The following ADGRG4 variants were observed in gnomAD, a reference collection of about 807,000 sequenced individuals.
ADGRG4 encodes G protein-coupled receptor 112.
In ADGRG4, 122 loss-of-function variants were observed where a neutral mutation model predicts 126.2. The observed-to-expected ratio is 0.97, with a 90% CI of 0.83 to 1.12. The LOEUF (loss-of-function observed/expected upper bound fraction) is 1.12. Among genes scored for constraint, ADGRG4 ranks in the 50% most tolerant of loss-of-function variants. The pLI, the probability that ADGRG4 is intolerant of heterozygous loss-of-function variation, is 0.00. For synonymous variants in ADGRG4, 943 were observed against 838.7 expected, an observed-to-expected ratio of 1.12 and a Z score of -2.15; for missense variants, 2,481 against 2,251.8, an observed-to-expected ratio of 1.10 and a Z score of -2.06.
intron 23 of ADGRG4, among the ~76,000 whole-genome samples, chrX:136,408,102 C>T (rs1165325084): frequency 8.9e-6 from 1 of 111,925 alleles, no homozygotes; most frequent in Non-Finnish European, 1.9e-5. Flanking sequence ...TAGGCAATTT[C>T]GAGCTTATAA....
Position 136,345,312 on chromosome X carries a change from T to C in ADGRG4, c.1606T>C (p.Ser536Pro), listed in dbSNP as rs1294975499. The change falls in exon 6 of 26, where the codon TCT (serine) becomes CCT (proline). Residue 536 changes from serine (S) to proline (P), a missense_variant. By Grantham distance (74) the Ser-to-Pro change is moderately conservative (BLOSUM62 -1). Coordinates refer to ENST00000394143, the MANE Select transcript of ADGRG4 (RefSeq NM_153834.4). ...ELTSTNFQDVSLPRVEDAMST... is the reference protein window; with the variant it reads ...ELTSTNFQDVPLPRVEDAMST... Reference sequence around the variant, plus strand: ...GACATCTACAAATTTTCAGGATGTCTCTTTACCCAGAGTGGAAGATGCCAT... The same window carrying C: ...GACATCTACAAATTTTCAGGATGTCCCTTTACCCAGAGTGGAAGATGCCAT... 2.5e-6 allele frequency: 3 copies of C among 1,208,754 alleles called. No individual in the cohort carries two copies. The highest frequency in any genetic ancestry group is 3.4e-6 in the Non-Finnish European group (3 of 894,152).
chrX:136,325,548 C>A (rs541277003), intron 5 of ADGRG4, among the ~76,000 whole-genome samples: 1 of 111,232 alleles, frequency 9.0e-6, no homozygotes, highest in East Asian at 2.8e-4. Flanking sequence ...TCTAAGGAAC[C>A]GGAAGTATGG....
At chrX:136,377,759 T>C (rs1320423844) in intron 15 of ADGRG4, among the ~76,000 whole-genome samples, 1 of 111,464 alleles carries the variant, frequency 9.0e-6, no homozygotes, top group Non-Finnish European at 1.9e-5. Flanking sequence ...AGACTTTTCC[T>C]TCCCCATTGG....
At chrX:136,406,044 A>G in intron 23 of ADGRG4, 72 bp downstream of exon 23, 2 of 987,870 alleles carry the variant, frequency 2.0e-6, no homozygotes, top group Non-Finnish European at 2.7e-6. Context: ...TTTGGAAAAT[A>G]ATCACCTGTT....
chrX:136,341,779 A>G (rs2074980588), intron 5 of ADGRG4, among the ~76,000 whole-genome samples: 1 of 111,853 alleles, frequency 8.9e-6, no homozygotes, highest in African/African-American at 3.2e-5. Context: ...CTACTTGCTA[A>G]TGACCACAAA....
At chrX:136,407,129 T>C (rs1263272972) in intron 23 of ADGRG4, among the ~76,000 whole-genome samples, 2 of 111,181 alleles carry the variant, frequency 1.8e-5, no homozygotes, top group African/African-American at 3.3e-5. Flanking sequence ...TGGCATTTCA[T>C]TGAGTTAGAG....
Position 136,395,431 on chromosome X carries a change from G to A in ADGRG4, c.8122G>A (p.Glu2708Lys), listed in dbSNP as rs768262013. 2.5e-5 allele frequency: 30 copies of A among 1,203,167 alleles called. No individual in the cohort carries two copies. Among genetic ancestry groups the A allele is most frequent in the Non-Finnish European group, 3.1e-5 (28 of 889,553 alleles). The change falls in exon 19 of 26, where the codon GAA becomes AAA. Residue 2708 changes from glutamate to lysine, a missense_variant. Glu to Lys is a moderately conservative substitution (Grantham distance 56). Transcript: ENST00000394143. ...GWNSSGCKVK[E>K]TNVNYTICQC... Reference sequence around the variant, plus strand: ...GAATTCGTCAGGCTGTAAAGTAAAGGAAACAAATGTAAATTACACAATCTG... The same window carrying A: ...GAATTCGTCAGGCTGTAAAGTAAAGAAAACAAATGTAAATTACACAATCTG...
chrX:136,326,373 T>C (rs959751700), intron 5 of ADGRG4, among the ~76,000 whole-genome samples: 1 of 112,238 alleles, frequency 8.9e-6, no homozygotes, highest in Non-Finnish European at 1.9e-5. Context: ...CCAGGCATTT[T>C]ATACAAAAGG....
In ADGRG4 at chrX:136,356,144, G is replaced by C. The variant is rs1372425598; in HGVS notation, c.6906G>C (p.Glu2302Asp). The C allele has an allele frequency of 8.4e-7, 1 of 1,184,230 alleles. No homozygotes were observed. Among genetic ancestry groups the C allele is most frequent in the Admixed American group, 2.2e-5 (1 of 45,669 alleles). ...GATACAGGGACATTTCAGAGGAAGA[G>C]ATGGTCATGGATCGAGCTATTGTAA... ...QIKSRDISEE[E>D]MVMDRAILEQ... Residue 2302 changes from glutamate (E) to aspartate (D), a missense_variant, in exon 9 of 26, where the codon GAG becomes GAC. By Grantham distance (45) the Glu-to-Asp change is conservative. Coordinates refer to ENST00000394143, the MANE Select transcript of ADGRG4 (RefSeq NM_153834.4).
chrX:136,385,429 A>G (rs1483177149), intron 15 of ADGRG4, among the ~76,000 whole-genome samples: 1 of 111,904 alleles, frequency 8.9e-6, no homozygotes, highest in Non-Finnish European at 1.9e-5. Flanking sequence ...TAAAAATTCC[A>G]ATTATACTCA....
At chrX:136,302,484 C>T (rs749059517) in intron 1 of ADGRG4, among the ~76,000 whole-genome samples, 4 of 111,958 alleles carry the variant, frequency 3.6e-5, no homozygotes, top group Non-Finnish European at 7.5e-5. Context: ...AAACAGAGAG[C>T]CAAATCATAA....
chrX:136,400,467 C>G (rs2075373845), intron 21 of ADGRG4, among the ~76,000 whole-genome samples: 1 of 112,138 alleles, frequency 8.9e-6, no homozygotes. Context: ...AGATGCTATT[C>G]TAAGTGCTTT....
At chrX:136,367,949 T>A (rs930688906) in intron 13 of ADGRG4, among the ~76,000 whole-genome samples, 3 of 112,226 alleles carry the variant, frequency 2.7e-5, no homozygotes, top group Non-Finnish European at 3.8e-5. Context: ...ATATTAAAGA[T>A]GCATCAGGCT....
intron 4 of ADGRG4, among the ~76,000 whole-genome samples, chrX:136,309,302 C>T (rs938807298): frequency 8.9e-6 from 1 of 112,109 alleles, no homozygotes; most frequent in Non-Finnish European, 1.9e-5. Flanking sequence ...CAGCTGGTAA[C>T]AGATTCATAA....
At chrX:136,382,642 G>A (rs185751993) in intron 15 of ADGRG4, among the ~76,000 whole-genome samples, 22 of 111,343 alleles carry the variant, frequency 2.0e-4, no homozygotes, top group Middle Eastern at 4.6e-3. Flanking sequence ...TTAATCACAG[G>A]GCATGGTAAT....
intron 5 of ADGRG4, among the ~76,000 whole-genome samples, chrX:136,326,010 C>A (rs747749811): frequency 1.8e-5 from 2 of 112,478 alleles, no homozygotes; most frequent in Non-Finnish European, 3.8e-5. Flanking sequence ...TGCACCCGGC[C>A]TCTTTCATAC....
chrX:136,319,819 T>C (rs929447579), intron 4 of ADGRG4, among the ~76,000 whole-genome samples: 1 of 110,974 alleles, frequency 9.0e-6, no homozygotes, highest in Non-Finnish European at 1.9e-5. Flanking sequence ...CATCCATTCA[T>C]CTATCTATCC....
chrX:136,382,319 G>A (rs1193676372), intron 15 of ADGRG4, among the ~76,000 whole-genome samples: 1 of 110,842 alleles, frequency 9.0e-6, no homozygotes, highest in Non-Finnish European at 1.9e-5. Context: ...TATGTCACAC[G>A]ATAAAAGAAA....
rs775726955 is a variant in ADGRG4 at position 136,371,429 on chromosome X, A to G, written c.7498A>G (p.Ile2500Val). ...TKIIVSKISD[I>V]SQCDEISMNL... ...GATTATTGTTTCTAAAATATCAGAT[A>G]TTTCACAATGTGATGAGATAAGTAT... The change falls in exon 14 of 26, where the codon ATT (isoleucine) becomes GTT (valine). Residue 2500 changes from isoleucine to valine, a missense_variant. Ile to Val is a conservative substitution (Grantham distance 29, BLOSUM62 3). Coordinates refer to ENST00000394143, the MANE Select transcript of ADGRG4 (RefSeq NM_153834.4). 8.4e-7 allele frequency: 1 copy of G among 1,187,376 alleles called. No individual in the cohort carries two copies. The highest frequency in any genetic ancestry group is 1.8e-5 in the South Asian group (1 of 55,312).
Sources: gnomAD v4.1 joint callset for allele counts (sites outside exome capture counted in the v4.1 genomes callset) on GRCh38, gnomAD v4.1.1 for gene constraint, MANE v1.5 for transcripts, NCBI Gene and HGNC (gene_info 2026-07-23, HGNC 2026-07-21) for gene names.